Variants in SHCBP1L observed in about 807,000 individuals in gnomAD.
SHCBP1L encodes SHC binding and spindle associated 1 like.
Under a neutral mutation model 62.5 loss-of-function variants are expected in SHCBP1L, and 67 were observed. That is an observed-to-expected ratio of 1.07 (90% CI 0.88 to 1.31). SHCBP1L has a LOEUF of 1.31. Among genes scored for constraint, SHCBP1L ranks in the 40% most tolerant of loss-of-function variants. The pLI is 0.00. For missense variants in SHCBP1L, 823 were observed against 809.8 expected (o/e 1.02, Z -0.20); for synonymous variants, 284 against 289.4 (o/e 0.98, Z 0.19).
chr1:182,901,414 G>A (rs532039914), intron 9 of SHCBP1L, among the ~76,000 whole-genome samples: 5 of 152,216 alleles, frequency 3.3e-5, no homozygotes, highest in Admixed American at 1.3e-4. Context: ...CTGAGATCGC[G>A]CCATTACACT....
intron 9 of SHCBP1L, among the ~76,000 whole-genome samples, chr1:182,902,241 T>A (rs961720505): frequency 2.6e-5 from 4 of 151,786 alleles, no homozygotes; most frequent in Non-Finnish European, 4.4e-5. Context: ...TTAGTAGAGA[T>A]GGGGTTTCAC....
At chr1:182,901,657 T>C (rs1433427270) in intron 9 of SHCBP1L, among the ~76,000 whole-genome samples, 2 of 152,198 alleles carry the variant, frequency 1.3e-5, no homozygotes, top group Admixed American at 6.5e-5. Context: ...CGTATGTATA[T>C]ATCATCTGGG....
intron 6 of SHCBP1L, among the ~76,000 whole-genome samples, chr1:182,906,643 G>A (rs537549283): frequency 6.6e-6 from 1 of 151,632 alleles, no homozygotes; most frequent in East Asian, 2.0e-4. Flanking sequence ...TGTTAGCCAG[G>A]TTGGTCTCGA....
chr1:182,930,689 G>C (rs1333633054), intron 5 of SHCBP1L, among the ~76,000 whole-genome samples: 1 of 77,454 alleles, frequency 1.3e-5, no homozygotes, highest in Non-Finnish European at 2.1e-5. Flanking sequence ...GTGTGTGTGT[G>C]TGTGTGTGTG....
At chr1:182,913,852 A>G (rs1650268793) in intron 6 of SHCBP1L, among the ~76,000 whole-genome samples, 1 of 152,186 alleles carries the variant, frequency 6.6e-6, no homozygotes, top group Admixed American at 6.5e-5. Flanking sequence ...GTGGTGCCAC[A>G]TGCCTGTGAT....
In SHCBP1L at chr1:182,904,205, G is replaced by T. The variant is rs200202390; in HGVS notation, c.1562C>A (p.Thr521Lys). The change falls in exon 8 of 10, where the codon ACA becomes AAA. Residue 521 changes from threonine (T) to lysine (K), a missense_variant. Coordinates refer to ENST00000367547, the MANE Select transcript of SHCBP1L (RefSeq NM_030933.4). ...CTGGGCGCCAGTTATTTCACTGTCT[G>T]TAATTGTCAAAGCAGCCCCTGTAAG... ...CVLTGAALTI[T>K]DSEITGAQGA... 9.0e-5 allele frequency: 145 copies of T among 1,613,990 alleles called. No homozygotes were observed. Among genetic ancestry groups the T allele is most frequent in the Non-Finnish European group, 1.0e-4 (123 of 1,180,044 alleles).
intron 5 of SHCBP1L, among the ~76,000 whole-genome samples, chr1:182,930,736 T>A (rs1298795173): frequency 1.8e-5 from 2 of 108,716 alleles, no homozygotes; most frequent in Non-Finnish European, 3.9e-5. Context: ...TATTTTTTTT[T>A]TTTTTTTTTT....
intron 6 of SHCBP1L, among the ~76,000 whole-genome samples, chr1:182,907,357 C>T (rs1272407300): frequency 1.3e-5 from 2 of 148,698 alleles, no homozygotes; most frequent in South Asian, 2.2e-4. Context: ...CGCTTGAACC[C>T]GGGAGGCAGA....
intron 5 of SHCBP1L, among the ~76,000 whole-genome samples, chr1:182,935,754 A>G (rs1056185929): frequency 1.3e-5 from 2 of 152,174 alleles, no homozygotes; most frequent in African/African-American, 4.8e-5. Context: ...TCATCATGAA[A>G]TGTCCCTTTT....
intron 6 of SHCBP1L, among the ~76,000 whole-genome samples, chr1:182,913,089 C>T (rs1261599651): frequency 6.6e-6 from 1 of 151,620 alleles, no homozygotes; most frequent in Non-Finnish European, 1.5e-5. Context: ...GAGCCGAGAT[C>T]ACACCACTGC....
chr1:182,904,157 A>G, intron 8 of SHCBP1L, 23 bp downstream of exon 8: 1 of 1,611,932 alleles, frequency 6.2e-7, no homozygotes. Context: ...ATATAAGGCC[A>G]TACTTTTTAA....
intron 2 of SHCBP1L, chr1:182,944,439 G>C (rs1009087997): frequency 6.6e-6 from 1 of 151,320 alleles, no homozygotes; most frequent in Non-Finnish European, 1.5e-5. Context: ...ACCCTGCTTA[G>C]CTTCCGAGAT....
intron 2 of SHCBP1L, among the ~76,000 whole-genome samples, chr1:182,950,227 G>A (rs918578134): frequency 2.0e-5 from 3 of 152,150 alleles, no homozygotes; most frequent in African/African-American, 4.8e-5. Context: ...ACTATCTGGG[G>A]TAAGGGTATC....
chr1:182,905,676 T>C, intron 6 of SHCBP1L, 27 bp from the exon 7 acceptor site: 1 of 1,603,164 alleles, frequency 6.2e-7, no homozygotes, highest in Non-Finnish European at 8.5e-7. Flanking sequence ...CACTTGCGCT[T>C]TCAATAATAG....
intron 9 of SHCBP1L, among the ~76,000 whole-genome samples, chr1:182,900,645 C>G (rs1301645641): frequency 6.6e-6 from 1 of 152,164 alleles, no homozygotes; most frequent in African/African-American, 2.4e-5. Context: ...TTTGGCCAGG[C>G]TGGTCTCGAG....
chr1:182,942,503 C>G, intron 2 of SHCBP1L: 5 of 623,294 alleles, frequency 8.0e-6, no homozygotes, highest in Non-Finnish European at 1.5e-5. Flanking sequence ...CCTCCCGCCG[C>G]CCGAGCTACT....
chr1:182,910,984 G>A (rs958164292), intron 6 of SHCBP1L, among the ~76,000 whole-genome samples: 1 of 152,002 alleles, frequency 6.6e-6, no homozygotes, highest in Non-Finnish European at 1.5e-5. Context: ...CTTCCTCCCG[G>A]GTTCAAGCGA....
At chr1:182,934,826 T>G (rs1651114697) in intron 5 of SHCBP1L, among the ~76,000 whole-genome samples, 1 of 152,150 alleles carries the variant, frequency 6.6e-6, no homozygotes, top group Admixed American at 6.5e-5. Flanking sequence ...ATGGACCACT[T>G]TGAGTTAATT....
At chr1:182,943,069 G>C (rs762567601) in intron 2 of SHCBP1L, among the ~76,000 whole-genome samples, 1 of 152,052 alleles carries the variant, frequency 6.6e-6, no homozygotes, top group Non-Finnish European at 1.5e-5. Context: ...TATTTCCAAA[G>C]AGTCATTACG....
Sources: allele counts gnomAD v4.1 joint callset (sites outside exome capture counted in the v4.1 genomes callset), GRCh38; gene constraint gnomAD v4.1.1; transcripts MANE v1.5; gene names NCBI Gene and HGNC (gene_info 2026-07-23, HGNC 2026-07-21).